Variants in ZC3H12B observed in about 807,000 individuals in gnomAD.
ZC3H12B encodes the protein zinc finger CCCH-type containing 12B, also known as probable ribonuclease ZC3H12B.
A neutral mutation model predicts 43.9 loss-of-function variants in ZC3H12B; 7 were observed. That is an observed-to-expected ratio of 0.16 (90% CI 0.09 to 0.30). The LOEUF (loss-of-function observed/expected upper bound fraction) is 0.30. Among genes scored for constraint, ZC3H12B ranks in the 10% least tolerant of loss-of-function variants. The pLI, the probability that ZC3H12B is intolerant of heterozygous loss-of-function variation, is 1.00. For synonymous variants in ZC3H12B, 222 were observed against 241.7 expected (o/e 0.92, Z 0.76); for missense variants, 475 against 670.2 (o/e 0.71, Z 3.22).
At chrX:65,373,947 T>TTATATATATATATAATATATATATAGTTA (rs757776386) in intron 2 of ZC3H12B, among the ~76,000 whole-genome samples, 1 of 45,800 alleles carries the variant, frequency 2.2e-5, no homozygotes, top group African/African-American at 2.2e-4. Flanking sequence ...ATATATATAG[T>TTATATATATATATAATATATATATAGTTA]TATATATATA....
At chrX:65,390,711 A>G (rs1403307102) in intron 2 of ZC3H12B, among the ~76,000 whole-genome samples, 2 of 109,157 alleles carry the variant, frequency 1.8e-5, no homozygotes, top group Non-Finnish European at 3.8e-5. Flanking sequence ...AATCGGCACT[A>G]TGGATCAAAT....
the ZC3H12B span, among the ~76,000 whole-genome samples, chrX:65,152,885 A>T: frequency 8.9e-6 from 1 of 111,816 alleles, no homozygotes; most frequent in Non-Finnish European, 1.9e-5. Context: ...CAAAACAGAG[A>T]TATAGATAAA....
chrX:65,287,989 C>T, the ZC3H12B span, among the ~76,000 whole-genome samples: 3 of 90,434 alleles, frequency 3.3e-5, no homozygotes, highest in Non-Finnish European at 6.0e-5. Context: ...ATTTTATATA[C>T]ATATATATAT....
chrX:65,153,650 A>G, the ZC3H12B span, among the ~76,000 whole-genome samples: 1 of 112,276 alleles, frequency 8.9e-6, no homozygotes, highest in Non-Finnish European at 1.9e-5. Flanking sequence ...AACTAGTTCA[A>G]CCATTGTGGA....
intron 3 of ZC3H12B, among the ~76,000 whole-genome samples, chrX:65,454,447 T>A (rs997642508): frequency 8.9e-6 from 1 of 111,976 alleles, no homozygotes; most frequent in Non-Finnish European, 1.9e-5. Context: ...CGCCCACCAT[T>A]GCCGAGGCTT....
chrX:65,063,810 T>C, the ZC3H12B span, among the ~76,000 whole-genome samples: 3 of 111,997 alleles, frequency 2.7e-5, no homozygotes, highest in Non-Finnish European at 5.6e-5. Context: ...GTTGATAAGC[T>C]ATTAATTACT....
the ZC3H12B span, among the ~76,000 whole-genome samples, chrX:65,223,959 C>T: frequency 3.6e-5 from 4 of 111,639 alleles, no homozygotes; most frequent in East Asian, 2.8e-4. Context: ...GGGTATCGAC[C>T]GAGAGGAAAA....
the ZC3H12B span, among the ~76,000 whole-genome samples, chrX:65,167,655 T>C: frequency 8.9e-6 from 1 of 112,259 alleles, no homozygotes; most frequent in African/African-American, 3.2e-5. Flanking sequence ...TTTCATGATA[T>C]TGATTCTTAC....
intron 1 of ZC3H12B, among the ~76,000 whole-genome samples, chrX:65,491,208 T>C (rs1413317486): frequency 1.8e-5 from 2 of 111,839 alleles, no homozygotes; most frequent in Non-Finnish European, 3.8e-5. Flanking sequence ...GCCAGATTCT[T>C]TTACGTATGT....
the ZC3H12B span, among the ~76,000 whole-genome samples, chrX:65,126,923 A>T: frequency 1.8e-5 from 2 of 109,735 alleles, no homozygotes; most frequent in South Asian, 7.7e-4. Flanking sequence ...TAATGCTTTT[A>T]TTTAAGTTGG....
At chrX:65,131,019 T>A in the ZC3H12B span, among the ~76,000 whole-genome samples, 1 of 111,946 alleles carries the variant, frequency 8.9e-6, no homozygotes, top group African/African-American at 3.2e-5. Flanking sequence ...GACCCTTGCA[T>A]AGTGAGGAAA....
intron 3 of ZC3H12B, among the ~76,000 whole-genome samples, chrX:65,463,948 C>T (rs1358558117): frequency 1.8e-5 from 2 of 111,781 alleles, no homozygotes; most frequent in African/African-American, 3.3e-5. Flanking sequence ...TTATTTGGTG[C>T]TGCCACAGCT....
rs143006175 is a variant in ZC3H12B at position 65,374,970 on chromosome X, A to G, written n.295+5972A>G. Among the ~76,000 whole-genome samples, 217 of 111,519 alleles carry G rather than the reference A, an allele frequency of 1.9e-3. 1 individual carries two copies. Among genetic ancestry groups the G allele is most frequent in the African/African-American group, 6.7e-3 (206 of 30,699 alleles). On this transcript the variant is annotated intron_variant and non_coding_transcript_variant, in intron 2 of 5. Transcript: ENST00000617377. Reference sequence around the variant, plus strand: ...ATGACACATGGGGAGTATGGGAACTACAATTCAAGATGAGATTTGAGAGGA... The same window carrying G: ...ATGACACATGGGGAGTATGGGAACTGCAATTCAAGATGAGATTTGAGAGGA...
chrX:65,105,818 A>G, the ZC3H12B span, among the ~76,000 whole-genome samples: 3 of 111,006 alleles, frequency 2.7e-5, no homozygotes, highest in Non-Finnish European at 5.7e-5. Context: ...AAGAAGCCAC[A>G]CTGATGGCAC....
the ZC3H12B span, among the ~76,000 whole-genome samples, chrX:65,231,063 G>T: frequency 1.8e-5 from 2 of 111,427 alleles, no homozygotes; most frequent in African/African-American, 6.5e-5. Context: ...TTGTTGGCCG[G>T]TCTGAGAAAT....
the ZC3H12B span, among the ~76,000 whole-genome samples, chrX:65,312,049 C>T: frequency 1.8e-5 from 2 of 111,061 alleles, no homozygotes; most frequent in African/African-American, 3.3e-5. Flanking sequence ...ATGTAAATGA[C>T]GAGTTAATAG....
At chrX:65,034,859 A>C in the ZC3H12B span, 1 of 113,131 alleles carries the variant, frequency 8.8e-6, no homozygotes, top group Non-Finnish European at 1.9e-5. Flanking sequence ...AGGAGGATGC[A>C]GCTGCGACCG....
intron 1 of ZC3H12B, among the ~76,000 whole-genome samples, chrX:65,368,409 A>C (rs750983347): frequency 3.7e-4 from 41 of 112,153 alleles, no homozygotes; most frequent in African/African-American, 1.3e-3. Flanking sequence ...CATAGGATAT[A>C]TATAAAAACA....
intron 3 of ZC3H12B, among the ~76,000 whole-genome samples, chrX:65,420,081 A>G (rs1003133923): frequency 5.4e-5 from 6 of 111,598 alleles, no homozygotes; most frequent in African/African-American, 1.3e-4. Flanking sequence ...GCTTTCATAG[A>G]CTCAGTCTTC....
Sources: gnomAD v4.1 joint callset for allele counts (sites outside exome capture counted in the v4.1 genomes callset) on GRCh38, gnomAD v4.1.1 for gene constraint, MANE v1.5 for transcripts, NCBI Gene and HGNC (gene_info 2026-07-23, HGNC 2026-07-21) for gene names.